The following MICALL1 variants were observed in gnomAD, a reference collection of about 807,000 sequenced individuals.
The protein encoded by MICALL1 is MICAL-like protein 1.
In MICALL1, 61 loss-of-function variants were observed where a neutral mutation model predicts 83.7. The ratio of observed to expected loss-of-function variants is 0.73; its 90% CI spans 0.59 to 0.90. The LOEUF is 0.90. Among genes scored for constraint, MICALL1 ranks in the 40% least tolerant of loss-of-function variants. The pLI is 0.00. For synonymous variants in MICALL1, 481 were observed against 473.6 expected, an observed-to-expected ratio of 1.02 and a Z score of -0.20; for missense variants, 1,066 against 1,152.0, an observed-to-expected ratio of 0.93 and a Z score of 1.08.
intron 1 of MICALL1, among the ~76,000 whole-genome samples, chr22:37,911,113 GGCCA>G (rs1189815733): frequency 6.9e-6 from 1 of 144,464 alleles, no homozygotes; most frequent in Non-Finnish European, 1.5e-5. Flanking sequence ...AAAGCCTGCA[GGCCA>G]GCCAGCTGTC....
At chr22:37,913,261 G>T (rs554754036) in intron 3 of MICALL1, among the ~76,000 whole-genome samples, 1 of 152,160 alleles carries the variant, frequency 6.6e-6, no homozygotes, top group African/African-American at 2.4e-5. Context: ...ACTGGTGCCC[G>T]GCCTGACATA....
At chr22:37,928,692 G>A (rs759024203) in intron 9 of MICALL1, among the ~76,000 whole-genome samples, 46 of 152,278 alleles carry the variant, frequency 3.0e-4, no homozygotes, top group Non-Finnish European at 5.9e-4. Flanking sequence ...TTATGTATCA[G>A]GGCCCCTGTT....
intron 7 of MICALL1, among the ~76,000 whole-genome samples, chr22:37,925,114 T>C (rs1929339617): frequency 1.3e-5 from 2 of 152,288 alleles, no homozygotes; most frequent in South Asian, 4.1e-4. Context: ...CACGGGACCC[T>C]GCTTCACGTG....
Position 37,906,494 on chromosome 22 carries a change from CCG to C in MICALL1, c.75_76del (p.Asp26ProfsTer26). On this transcript the variant is annotated frameshift_variant, in exon 1 of 16. Transcript: ENST00000215957. LOFTEE classifies it high-confidence loss of function. The surrounding 1 kb of genome is among the most constrained non-coding windows in gnomAD (Gnocchi z 4.4). Reference sequence around the variant, plus strand: ...GCGAGGGCTACCGCGGCGTGGAGATCCGCGACCTGAGCAGCTCCTTCCGGGAC... The same window carrying C: ...GCGAGGGCTACCGCGGCGTGGAGATCCGACCTGAGCAGCTCCTTCCGGGAC... ...QCEGYRGVEI[R>X]DLSSSFRDGL... 8.0e-7 allele frequency: 1 copy of C among 1,257,830 alleles called. No individual in the cohort carries two copies. 77.9% of individuals were successfully genotyped at this position (1,257,830 alleles called of 1,614,324 possible).
chr22:37,917,729 G>A lies in MICALL1; in HGVS notation c.360G>A (p.Lys120=), dbSNP rs540415207. ...CAGCTGGTGTCTCGCCACCCAGAAA[G>A]GGCCTTGCACCCTGTTCCCCGCCGT... ...PGQAGVSPPR[K]GLAPCSPPSV... is the part of the protein sequence containing the mutation. The change falls in exon 4 of 16, where the codon AAG becomes AAA. Residue 120 remains lysine (K), a synonymous_variant. Coordinates refer to ENST00000215957, the MANE Select transcript of MICALL1 (RefSeq NM_033386.4). The A allele has an allele frequency of 6.8e-6, 11 of 1,613,864 alleles. No individual in the cohort carries two copies. In the South Asian group the frequency reaches 1.1e-4, roughly 16 times the overall value.
In MICALL1 at chr22:37,911,857, G is replaced by A; in HGVS notation, c.147-95G>A. 3 of 1,227,746 alleles carry A rather than the reference G, an allele frequency of 2.4e-6. 1 individual carries two copies. The South Asian group carries it at 3.6e-5, about 15-fold the overall frequency. 76.1% of individuals were successfully genotyped at this position (1,227,746 alleles called of 1,614,324 possible). The stretch of plus-strand genomic sequence containing the variant: ...TGAGGTTGATGCTGGCTGGGACAAG[G>A]TCTTCTCTGTTCAGCTCCTTTCTGA... On this transcript the variant is annotated intron_variant, in intron 1 of 15. Transcript: ENST00000215957.
At chr22:37,925,275 C>T (rs766776083) in intron 7 of MICALL1, among the ~76,000 whole-genome samples, 14 of 152,158 alleles carry the variant, frequency 9.2e-5, no homozygotes, top group Admixed American at 2.6e-4. Flanking sequence ...CCCAGTGCTG[C>T]ACTCCATAGC....
chr22:37,906,503 G>C lies in MICALL1; in HGVS notation c.81G>C (p.Leu27=). 4.8e-6 allele frequency: 6 copies of C among 1,257,014 alleles called. No homozygotes were observed. Among genetic ancestry groups the C allele is most frequent in the Non-Finnish European group, 6.1e-6 (6 of 989,368 alleles). 77.9% of individuals were successfully genotyped at this position (1,257,014 alleles called of 1,614,324 possible). Residue 27 remains leucine, a synonymous_variant, in exon 1 of 16, where the codon CTG becomes CTC. Coordinates refer to ENST00000215957, the MANE Select transcript of MICALL1 (RefSeq NM_033386.4). This position sits in a 1 kb window ranked among gnomAD's most constrained non-coding sequence, Gnocchi z 4.4. ...EGYRGVEIRD[L]SSSFRDGLAF... ...ACCGCGGCGTGGAGATCCGCGACCT[G>C]AGCAGCTCCTTCCGGGACGGCCTGG...
intron 1 of MICALL1, among the ~76,000 whole-genome samples, chr22:37,911,061 G>A (rs1265169923): frequency 6.6e-6 from 1 of 152,168 alleles, no homozygotes; most frequent in Non-Finnish European, 1.5e-5. Context: ...TGTCTCTGCT[G>A]GTTTCAGCGG....
Position 37,925,919 on chromosome 22 carries a change from C to T in MICALL1, c.1341C>T (p.Ser447=), listed in dbSNP as rs1357437805. 1.2e-6 allele frequency: 2 copies of T among 1,612,858 alleles called. No individual in the cohort carries two copies. Among genetic ancestry groups the T allele is most frequent in the Non-Finnish European group, 1.7e-6 (2 of 1,179,502 alleles). ...CAGCTGCACCCAGCCTGGCCACCAG[C>T]CCTGCCCTGGGCCACCCGGAGTCCA... ...EAPAAPSLAT[S]PALGHPESTP... The change falls in exon 8 of 16, where the codon AGC becomes AGT. Residue 447 remains serine, a synonymous_variant. Transcript: ENST00000215957.
intron 7 of MICALL1, 31 bp from the exon 8 acceptor site, chr22:37,925,630 A>C (rs902172714): frequency 1.3e-6 from 2 of 1,567,900 alleles, no homozygotes; most frequent in Non-Finnish European, 1.7e-6. Context: ...TGCCTCTGCT[A>C]ATGGTTTCTG....
intron 3 of MICALL1, among the ~76,000 whole-genome samples, chr22:37,917,430 T>C (rs2145896346): frequency 6.6e-6 from 1 of 152,320 alleles, no homozygotes; most frequent in Non-Finnish European, 1.5e-5. Flanking sequence ...TCTGTGATCG[T>C]ACTGTTGCGC....
chr22:37,912,066 TG>T, intron 2 of MICALL1, 66 bp downstream of exon 2: 1 of 1,548,152 alleles, frequency 6.5e-7, no homozygotes, highest in Non-Finnish European at 8.9e-7. Context: ...TGTGTGTGTT[TG>T]GTGGGGAGGG....
At chr22:37,909,512 C>G (rs945916920) in intron 1 of MICALL1, among the ~76,000 whole-genome samples, 2 of 152,104 alleles carry the variant, frequency 1.3e-5, no homozygotes, top group African/African-American at 4.8e-5. Flanking sequence ...GTGCCCGCCA[C>G]CATGCCTGGC....
At chr22:37,910,897 C>G (rs1928276691) in intron 1 of MICALL1, among the ~76,000 whole-genome samples, 1 of 152,246 alleles carries the variant, frequency 6.6e-6, no homozygotes, top group Non-Finnish European at 1.5e-5. Flanking sequence ...CCCCCAACCC[C>G]ATGGTCACAT....
intron 13 of MICALL1, 84 bp from the exon 14 acceptor site, chr22:37,936,996 G>A (rs1930164499): frequency 1.1e-5 from 13 of 1,151,438 alleles, no homozygotes; most frequent in Middle Eastern, 2.0e-4. Flanking sequence ...CTGGCCTGCC[G>A]CACTTAGGCA....
Position 37,932,779 on chromosome 22 carries a change from G to T in MICALL1, c.2144-19G>T, listed in dbSNP as rs750243679. The T allele has an allele frequency of 8.1e-6, 13 of 1,613,924 alleles. No individual in the cohort carries two copies. The Middle Eastern group carries it at 6.6e-4, about 82-fold the overall frequency. On this transcript the variant is annotated intron_variant, in intron 11 of 15. Coordinates refer to ENST00000215957, the MANE Select transcript of MICALL1 (RefSeq NM_033386.4). The surrounding 1 kb of genome is among the most constrained non-coding windows in gnomAD (Gnocchi z 4.4). ...GGCATGGCAGCCAGCCCTGGCCTCA[G>T]TGGGTATCTGGCTTCCAGAGGGCCG...
At chr22:37,935,018 G>A (rs1363089696) in intron 13 of MICALL1, among the ~76,000 whole-genome samples, 2 of 149,348 alleles carry the variant, frequency 1.3e-5, no homozygotes, top group Non-Finnish European at 3.0e-5. Context: ...TGCAAGCTCC[G>A]CCTCCCCAGG....
intron 3 of MICALL1, 116 bp downstream of exon 3, chr22:37,912,608 C>A: frequency 1.1e-6 from 1 of 898,944 alleles, no homozygotes; most frequent in Non-Finnish European, 1.6e-6. Context: ...GTGTGTCATT[C>A]ATTTACTTAT....
Sources: allele counts gnomAD v4.1 joint callset (sites outside exome capture counted in the v4.1 genomes callset), GRCh38; gene constraint gnomAD v4.1.1; non-coding constraint Gnocchi (gnomAD v3.1); transcripts MANE v1.5; gene names NCBI Gene and HGNC (gene_info 2026-07-23, HGNC 2026-07-21).